Variants in RABGAP1L observed in about 807,000 individuals in gnomAD.
The protein encoded by RABGAP1L is RAB GTPase activating protein 1 like.
A neutral mutation model predicts 137.7 loss-of-function variants in RABGAP1L; 63 were observed. That is an observed-to-expected ratio of 0.46 (90% confidence interval 0.37 to 0.56). RABGAP1L has a LOEUF of 0.56. RABGAP1L is among the 20% of genes least tolerant of loss of function. The pLI, the probability that RABGAP1L is intolerant of heterozygous loss-of-function variation, is 0.00. For missense variants in RABGAP1L, 1,095 were observed against 1,244.0 expected, an observed-to-expected ratio of 0.88 and a Z score of 1.80; for synonymous variants, 431 against 433.7, an observed-to-expected ratio of 0.99 and a Z score of 0.08.
chr1:174,932,620 C>A (rs1039568159), intron 19 of RABGAP1L, among the ~76,000 whole-genome samples: 8 of 152,078 alleles, frequency 5.3e-5, no homozygotes, highest in African/African-American at 1.9e-4. Context: ...TATTCCCCTT[C>A]CTGACAAATA....
chr1:174,534,136 G>C (rs982276742), intron 13 of RABGAP1L, among the ~76,000 whole-genome samples: 6 of 58,158 alleles, frequency 1.0e-4, no homozygotes, highest in Admixed American at 6.2e-4. Flanking sequence ...TCAACTCTGT[G>C]TGTGTGTGTG....
At chr1:174,932,856 C>T (rs1664074429) in intron 19 of RABGAP1L, among the ~76,000 whole-genome samples, 1 of 152,066 alleles carries the variant, frequency 6.6e-6, no homozygotes, top group African/African-American at 2.4e-5. Flanking sequence ...ATTCTTCAAG[C>T]GTAACTTGCT....
intron 11 of RABGAP1L, among the ~76,000 whole-genome samples, chr1:174,348,778 A>G (rs1195306928): frequency 6.6e-6 from 1 of 150,936 alleles, no homozygotes; most frequent in South Asian, 2.1e-4. Flanking sequence ...GTTGGGGGTA[A>G]GGTCACAGAT....
chr1:174,328,002 T>TACACAC (rs1558136395), intron 11 of RABGAP1L, among the ~76,000 whole-genome samples: 1 of 122,994 alleles, frequency 8.1e-6, no homozygotes, highest in African/African-American at 4.3e-5. Context: ...TATATATATA[T>TACACAC]ATATATATAT....
chr1:174,229,052 G>T (rs936454481), intron 3 of RABGAP1L, among the ~76,000 whole-genome samples: 4 of 152,088 alleles, frequency 2.6e-5, no homozygotes, highest in Non-Finnish European at 5.9e-5. Context: ...TTATGATGGG[G>T]ATGGAATTGG....
chr1:174,932,787 A>G (rs769695359), intron 19 of RABGAP1L, among the ~76,000 whole-genome samples: 26 of 152,084 alleles, frequency 1.7e-4, no homozygotes, highest in African/African-American at 5.1e-4. Flanking sequence ...ATTATCCCCT[A>G]CTTGGCCACT....
intron 19 of RABGAP1L, among the ~76,000 whole-genome samples, chr1:174,902,845 G>A (rs1658367879): frequency 6.6e-6 from 1 of 152,142 alleles, no homozygotes; most frequent in African/African-American, 2.4e-5. Flanking sequence ...CAGTCCCAGT[G>A]TAACCACCTG....
intron 14 of RABGAP1L, among the ~76,000 whole-genome samples, chr1:174,655,572 CT>C (rs1426499252): frequency 6.6e-6 from 1 of 152,148 alleles, no homozygotes; most frequent in Admixed American, 6.5e-5. Flanking sequence ...TAAGGTGTGT[CT>C]ACCAGGCTAC....
Position 174,989,716 on chromosome 1 carries a change from A to G in RABGAP1L, c.3004-133A>G, listed in dbSNP as rs114642200. 864 of 908,878 alleles carry G rather than the reference A, an allele frequency of 9.5e-4. 6 individuals carry two copies. The highest frequency in any genetic ancestry group is 8.5e-3 in the African/African-American group (505 of 59,348). 56.3% of individuals were successfully genotyped at this position (908,878 alleles called of 1,614,324 possible). A position where few individuals can be genotyped will look rare whatever the true frequency, so the allele number is the denominator to read the frequency against. On this transcript the variant is annotated intron_variant, in intron 25 of 25. Coordinates refer to ENST00000681986, the MANE Select transcript of RABGAP1L (RefSeq NM_001366446.1). ...ATCCTTGTACTAAGAAGCCAATTCAATCTCTCCTGGGTTTTGTGGGAGGAA... is the reference window on the plus strand; with the variant it reads ...ATCCTTGTACTAAGAAGCCAATTCAGTCTCTCCTGGGTTTTGTGGGAGGAA...
chr1:174,636,864 T>C (rs1414689468), intron 13 of RABGAP1L, among the ~76,000 whole-genome samples: 1 of 152,300 alleles, frequency 6.6e-6, no homozygotes, highest in Non-Finnish European at 1.5e-5. Context: ...GCATAAGCCA[T>C]GTATAAAATA....
intron 13 of RABGAP1L, among the ~76,000 whole-genome samples, chr1:174,555,935 G>T (rs1404460899): frequency 6.7e-6 from 1 of 150,164 alleles, no homozygotes; most frequent in African/African-American, 2.4e-5. Context: ...ACTGGATATT[G>T]TAGGACTATG....
intron 17 of RABGAP1L, among the ~76,000 whole-genome samples, chr1:174,702,978 A>C (rs1679771298): frequency 6.6e-6 from 1 of 152,196 alleles, no homozygotes; most frequent in Non-Finnish European, 1.5e-5. Flanking sequence ...TTTCAATGGC[A>C]GTATAAATGT....
chr1:174,784,315 G>A (rs1462147038), intron 18 of RABGAP1L, among the ~76,000 whole-genome samples: 1 of 151,930 alleles, frequency 6.6e-6, no homozygotes, highest in African/African-American at 2.4e-5. Flanking sequence ...CACCGCGCCT[G>A]GACTCAGTTT....
intron 14 of RABGAP1L, among the ~76,000 whole-genome samples, chr1:174,654,676 T>TA (rs34216059): frequency 9.2e-5 from 14 of 152,158 alleles, no homozygotes; most frequent in African/African-American, 2.2e-4. Flanking sequence ...TCTGTGTCTT[T>TA]AAAAAAAGTA....
In RABGAP1L at chr1:174,424,727, T is replaced by C. The variant is rs576200775; in HGVS notation, c.1710+30582T>C. On this transcript the variant is annotated intron_variant, in intron 13 of 25. Transcript: ENST00000681986. ...AAATTTTAGTCATTAATACATTTAT[T>C]CTTTTTTTCCAGAGAAAAATTGAAG... Among the ~76,000 whole-genome samples the C allele has an allele frequency of 9.9e-3, 1,265 of 127,924 alleles. 19 individuals are homozygous for C. The highest frequency in any genetic ancestry group is 0.048 in the African/African-American group (1,214 of 25,342). 83.9% of individuals were successfully genotyped at this position (127,924 alleles called of 152,430 possible). A position where few individuals can be genotyped will look rare whatever the true frequency, so the allele number is the denominator to read the frequency against.
intron 13 of RABGAP1L, among the ~76,000 whole-genome samples, chr1:174,505,358 C>T (rs897646513): frequency 9.2e-5 from 14 of 152,082 alleles, no homozygotes; most frequent in Admixed American, 2.6e-4. Flanking sequence ...AAGAATATTT[C>T]GTTTACTCTA....
At chr1:174,775,037 A>G (rs1341217070) in intron 18 of RABGAP1L, among the ~76,000 whole-genome samples, 3 of 152,204 alleles carry the variant, frequency 2.0e-5, no homozygotes, top group East Asian at 3.9e-4. Context: ...GAATTTGTTC[A>G]ATTATCTCTT....
At chr1:174,899,476 T>G (rs1228728956) in intron 19 of RABGAP1L, among the ~76,000 whole-genome samples, 1 of 152,218 alleles carries the variant, frequency 6.6e-6, no homozygotes, top group Non-Finnish European at 1.5e-5. Context: ...TATTTAAACT[T>G]GGGCAATTCA....
chr1:174,808,477 G>A (rs909909508), intron 18 of RABGAP1L, among the ~76,000 whole-genome samples: 10 of 152,034 alleles, frequency 6.6e-5, no homozygotes, highest in Non-Finnish European at 1.0e-4. Flanking sequence ...AAAATTCAGT[G>A]AGAGCAAGGT....
Sources: allele counts gnomAD v4.1 joint callset (sites outside exome capture counted in the v4.1 genomes callset), GRCh38; gene constraint gnomAD v4.1.1; transcripts MANE v1.5; gene names NCBI Gene and HGNC (gene_info 2026-07-23, HGNC 2026-07-21).